The following PAM variants were observed in gnomAD, a reference collection of about 807,000 sequenced individuals.
PAM encodes the protein peptidyl-glycine alpha-amidating monooxygenase.
PAM carries 72 observed loss-of-function variants against 122.1 expected under a neutral mutation model. That is an observed-to-expected ratio of 0.59 (90% confidence interval 0.49 to 0.72). PAM has a LOEUF of 0.72. PAM is among the 30% of genes least tolerant of loss of function. PAM has a pLI of 0.00. For synonymous variants in PAM, 389 were observed against 404.4 expected (o/e 0.96, Z 0.46); for missense variants, 1,106 against 1,183.7 (o/e 0.93, Z 0.96).
chr5:103,007,396 G>A, intron 19 of PAM, 61 bp from the exon 20 acceptor site: 1 of 1,360,242 alleles, frequency 7.4e-7, no homozygotes, highest in South Asian at 1.2e-5. Context: ...AAACATACTA[G>A]AGAGTCAAAC....
Position 103,008,603 on chromosome 5 carries a change from T to C in PAM, c.2215+946T>C, listed in dbSNP as rs1193142627. On this transcript the variant is annotated intron_variant, in intron 20 of 25. Coordinates refer to ENST00000438793, the MANE Select transcript of PAM (RefSeq NM_001177306.2). ...ATTACTGTAATATTTATGTTTCTTA[T>C]AAGTTGCATATGGCTACTATCTGGA... Among the ~76,000 whole-genome samples the C allele has an allele frequency of 2.0e-5, 3 of 152,142 alleles. No homozygotes were observed. The East Asian group carries it at 5.8e-4, about 29-fold the overall frequency.
intron 1 of PAM, among the ~76,000 whole-genome samples, chr5:102,857,393 A>G (rs1037479594): frequency 6.6e-6 from 1 of 152,136 alleles, no homozygotes; most frequent in African/African-American, 2.4e-5. Flanking sequence ...GAAATCTTTC[A>G]TTTTGAAATG....
intron 1 of PAM, among the ~76,000 whole-genome samples, chr5:102,810,633 C>G (rs1002251961): frequency 4.6e-5 from 7 of 151,996 alleles, no homozygotes; most frequent in African/African-American, 1.7e-4. Flanking sequence ...GAGTTCAAGA[C>G]CAGCCTGACC....
rs549399699 is a variant in PAM at position 102,909,344 on chromosome 5, T to C, written c.269-4590T>C. On this transcript the variant is annotated intron_variant, in intron 4 of 25. Transcript: ENST00000438793. The stretch of plus-strand genomic sequence containing the variant: ...CAGTGGTCTCCTTGAATAAAATAAT[T>C]CTAAAATATCAACTAATTTTTATCT... Among the ~76,000 whole-genome samples the C allele has an allele frequency of 3.9e-5, 6 of 151,970 alleles. No homozygotes were observed. The East Asian group carries it at 1.2e-3, about 30-fold the overall frequency.
Position 102,913,947 on chromosome 5 carries a change from TC to T in PAM, c.283del (p.Arg95GlufsTer101). On this transcript the variant is annotated frameshift_variant, in exon 5 of 26. Coordinates refer to ENST00000438793, the MANE Select transcript of PAM (RefSeq NM_001177306.2). LOFTEE classifies it high-confidence loss of function. ...EEAFVIDFKP[R>X]ASMDTVHHML... is the part of the protein sequence containing the mutation. ...TTCTCGTAACAGTTGACTTCAAGCC[TC>T]GAGCCAGCATGGATACTGTCCATCA... 1 of 1,603,360 alleles carries T rather than the reference TC, an allele frequency of 6.2e-7. No individual in the cohort carries two copies. Among genetic ancestry groups the T allele is most frequent in the Non-Finnish European group, 8.5e-7 (1 of 1,170,560 alleles).
chr5:102,882,115 C>A (rs1791467809), intron 3 of PAM, among the ~76,000 whole-genome samples: 8 of 82,654 alleles, frequency 9.7e-5, no homozygotes, highest in South Asian at 4.7e-4. Context: ...ATATATACAC[C>A]ACATTTTCTT....
At chr5:102,822,366 C>T (rs1772255034) in intron 1 of PAM, among the ~76,000 whole-genome samples, 2 of 152,142 alleles carry the variant, frequency 1.3e-5, no homozygotes, top group Admixed American at 1.3e-4. Flanking sequence ...CCACCCTGGA[C>T]AGAATGCCAT....
intron 1 of PAM, among the ~76,000 whole-genome samples, chr5:102,836,840 G>A (rs186293433): frequency 1.4e-5 from 2 of 147,482 alleles, no homozygotes; most frequent in African/African-American, 5.1e-5. Context: ...GTTAATTATG[G>A]ATGGACCAAG....
At position 102,959,163 on chromosome 5, in the gene PAM, T is replaced by C. The variant is rs116283311; in HGVS notation, c.906-712T>C. Among the ~76,000 whole-genome samples the C allele has an allele frequency of 4.0e-3, 606 of 152,248 alleles. 2 individuals carry two copies. The highest frequency in any genetic ancestry group is 0.014 in the African/African-American group (571 of 41,564). On this transcript the variant is annotated intron_variant, in intron 12 of 25. Coordinates refer to ENST00000438793, the MANE Select transcript of PAM (RefSeq NM_001177306.2). ...TTTAAAATCTATTTTTAACATTGAG[T>C]CATTCAACTGTACAGCACTACTTCC...
chr5:102,853,504 A>G (rs1269098239), intron 1 of PAM, among the ~76,000 whole-genome samples: 1 of 152,248 alleles, frequency 6.6e-6, no homozygotes, highest in Non-Finnish European at 1.5e-5. Flanking sequence ...ATTTAGAAAA[A>G]TAAAAGAAAG....
chr5:102,924,738 CAA>C (rs754344958), intron 5 of PAM, among the ~76,000 whole-genome samples: 9 of 135,332 alleles, frequency 6.7e-5, no homozygotes, highest in Non-Finnish European at 4.9e-5. Flanking sequence ...TCATATCAGG[CAA>C]AAAAAAAAAA....
intron 6 of PAM, 69 bp from the exon 7 acceptor site, chr5:102,926,516 C>T (rs1749614816): frequency 1.2e-6 from 1 of 840,732 alleles, no homozygotes; most frequent in Non-Finnish European, 2.1e-6. Flanking sequence ...GTTCATAGAA[C>T]AGCAATTTGA....
At chr5:102,910,688 C>T (rs764730086) in intron 4 of PAM, among the ~76,000 whole-genome samples, 2 of 151,770 alleles carry the variant, frequency 1.3e-5, no homozygotes, top group African/African-American at 4.8e-5. Flanking sequence ...TGTCACCATC[C>T]CAAGGCTGTC....
At chr5:102,770,404 T>G (rs1397495713) in intron 1 of PAM, among the ~76,000 whole-genome samples, 1 of 152,118 alleles carries the variant, frequency 6.6e-6, no homozygotes, top group Non-Finnish European at 1.5e-5. Flanking sequence ...CAGTACTGCG[T>G]TGAATAACAA....
At chr5:102,938,286 T>C (rs2151869795) in intron 7 of PAM, among the ~76,000 whole-genome samples, 1 of 152,316 alleles carries the variant, frequency 6.6e-6, no homozygotes, top group South Asian at 2.1e-4. Context: ...ATCTCATTGA[T>C]TCCATGGGAC....
chr5:103,003,955 C>CAA (rs35343295), intron 17 of PAM, among the ~76,000 whole-genome samples: 3 of 127,920 alleles, frequency 2.3e-5, no homozygotes, highest in Admixed American at 7.8e-5. Context: ...ACTTGGCAGC[C>CAA]AAAAAAAAAA....
rs115643089 is a variant in PAM, at chr5:102,821,762, C to T, written c.-373-44061C>T. On this transcript the variant is annotated intron_variant, in intron 1 of 25. Coordinates refer to ENST00000438793, the MANE Select transcript of PAM (RefSeq NM_001177306.2). ...AGTAGAGAGATTGGGATTACTTGGA[C>T]AGACTGGCTCCAGATTACCGCACAG... 6.0e-3 allele frequency among the ~76,000 whole-genome samples: 918 copies of T among 152,298 alleles called. 12 individuals carry two copies. The highest frequency in any genetic ancestry group is 0.021 in the African/African-American group (862 of 41,554).
At chr5:102,961,056 C>G (rs1762343415) in intron 13 of PAM, 102 bp from the exon 14 acceptor site, 5 of 641,558 alleles carry the variant, frequency 7.8e-6, no homozygotes, top group Non-Finnish European at 1.4e-5. Flanking sequence ...AAGCACAAGA[C>G]CCTGAATAGT....
At chr5:102,943,683 C>A (rs1227260276) in intron 7 of PAM, among the ~76,000 whole-genome samples, 1 of 152,160 alleles carries the variant, frequency 6.6e-6, no homozygotes, top group African/African-American at 2.4e-5. Context: ...TCTGTGACCT[C>A]TTTTTCCCTA....
Sources: allele counts gnomAD v4.1 joint callset (sites outside exome capture counted in the v4.1 genomes callset), GRCh38; gene constraint gnomAD v4.1.1; transcripts MANE v1.5; gene names NCBI Gene and HGNC (gene_info 2026-07-23, HGNC 2026-07-21).